The following GRK4 variants were observed in gnomAD, a reference collection of about 807,000 sequenced individuals.
GRK4 encodes G protein-coupled receptor kinase 4.
A neutral mutation model predicts 77.9 loss-of-function variants in GRK4; 73 were observed. That is an observed-to-expected ratio of 0.94 (90% confidence interval 0.78 to 1.14). GRK4 has a LOEUF of 1.14. Ranked by LOEUF, GRK4 falls within the 50% of genes most tolerant of loss-of-function variation. The probability of loss-of-function intolerance (pLI) is 0.00; values close to 1 mark genes in which losing one functional copy is unlikely to be tolerated. For synonymous variants in GRK4, 257 were observed against 254.4 expected (o/e 1.01, Z -0.10); for missense variants, 729 against 700.2 (o/e 1.04, Z -0.46).
chr4:3,016,174 C>G (rs1009043912), intron 8 of GRK4, among the ~76,000 whole-genome samples: 60 of 148,222 alleles, frequency 4.0e-4, no homozygotes, highest in African/African-American at 1.2e-3. Flanking sequence ...TCCCAGAATG[C>G]TGGGGATTAC....
At chr4:2,989,696 A>G (rs1725545350) in intron 3 of GRK4, among the ~76,000 whole-genome samples, 1 of 152,266 alleles carries the variant, frequency 6.6e-6, no homozygotes, top group Non-Finnish European at 1.5e-5. Context: ...ACCCAGAAGC[A>G]TATGGAAGGG....
At position 3,014,280 on chromosome 4, in the gene GRK4, TTCTC is replaced by T. The variant is rs1292010975; in HGVS notation, c.741+466_741+469del. Among the ~76,000 whole-genome samples, 754 of 145,466 alleles carry T rather than the reference TTCTC, an allele frequency of 5.2e-3. 5 individuals are homozygous for T. Among genetic ancestry groups the T allele is most frequent in the Non-Finnish European group, 7.7e-3 (515 of 66,808 alleles). On this transcript the variant is annotated intron_variant, in intron 8 of 15. Coordinates refer to ENST00000398052, the MANE Select transcript of GRK4 (RefSeq NM_182982.3). ...TGACTTGGCTGTGCTTGAGGATACC[TTCTC>T]TCTCTCTCTCTCTTTTTTTTTTTTT...
intron 4 of GRK4, among the ~76,000 whole-genome samples, chr4:2,993,538 G>A (rs1371005734): frequency 6.6e-6 from 1 of 152,190 alleles, no homozygotes; most frequent in East Asian, 1.9e-4. Context: ...GCCAGGCGTG[G>A]TGGTGCATGC....
intron 2 of GRK4, among the ~76,000 whole-genome samples, chr4:2,987,548 T>C (rs1459211524): frequency 6.6e-6 from 1 of 152,230 alleles, no homozygotes; most frequent in East Asian, 1.9e-4. Flanking sequence ...CATTGGGTTG[T>C]TCCAAGTTTT....
At chr4:2,972,862 G>A (rs114682085) in intron 1 of GRK4, among the ~76,000 whole-genome samples, 2,731 of 152,240 alleles carry the variant, frequency 0.018, 83 homozygotes, top group African/African-American at 0.061. Context: ...AGCGTCCCGA[G>A]TAGCTAAGAC....
intron 2 of GRK4, among the ~76,000 whole-genome samples, chr4:2,985,579 G>T (rs1397537180): frequency 1.3e-5 from 2 of 151,740 alleles, no homozygotes; most frequent in Non-Finnish European, 2.9e-5. Flanking sequence ...AAAAAGAAAA[G>T]AAAAATTTCT....
At chr4:2,967,965 T>G (rs1469885186) in intron 1 of GRK4, among the ~76,000 whole-genome samples, 1 of 151,726 alleles carries the variant, frequency 6.6e-6, no homozygotes, top group Non-Finnish European at 1.5e-5. Flanking sequence ...TAATTTTGTA[T>G]TTTTAGTAGA....
chr4:3,002,211 A>G lies in GRK4; in HGVS notation c.340-2020A>G, dbSNP rs147602442. 1.6e-4 allele frequency among the ~76,000 whole-genome samples: 25 copies of G among 152,248 alleles called. No homozygotes were observed. The East Asian group carries it at 4.6e-3, about 28-fold the overall frequency. On this transcript the variant is annotated intron_variant, in intron 4 of 15. Transcript: ENST00000398052. ...TGCTGTTTGCGTGGGAAAACTGGCA[A>G]CTAGGATGTAACTGGGGGCAGATAA...
chr4:3,021,627 G>A (rs987325760), intron 9 of GRK4, among the ~76,000 whole-genome samples: 2 of 152,196 alleles, frequency 1.3e-5, no homozygotes, highest in African/African-American at 2.4e-5. Flanking sequence ...AGACACAGAG[G>A]TGGTCGCCTG....
intron 4 of GRK4, among the ~76,000 whole-genome samples, chr4:2,997,170 G>A (rs969675843): frequency 3.9e-5 from 6 of 152,106 alleles, no homozygotes; most frequent in Non-Finnish European, 7.3e-5. Context: ...TCCTCTCAGG[G>A]TTCTCAAATA....
At chr4:3,026,176 A>G (rs1328512751) in intron 10 of GRK4, among the ~76,000 whole-genome samples, 3 of 152,192 alleles carry the variant, frequency 2.0e-5, no homozygotes, top group Admixed American at 2.0e-4. Flanking sequence ...TTTGTCAGAT[A>G]TTGCCAGATT....
rs751331808 is a variant in GRK4, at chr4:3,038,449, A to G, written c.1619A>G (p.Lys540Arg). Residue 540 changes from lysine to arginine, a missense_variant, in exon 15 of 16, where the codon AAG becomes AGG. Physicochemically the swap from Lys to Arg is conservative, Grantham distance 26. Coordinates refer to ENST00000398052, the MANE Select transcript of GRK4 (RefSeq NM_182982.3). ...GAAGCTTTGCCATTAGATCTAGACA[A>G]GAACATACATACCCCGGTTTCCAGA... Reference protein sequence around the residue: ...SEEALPLDLDKNIHTPVSRPN... With the variant: ...SEEALPLDLDRNIHTPVSRPN... The G allele has an allele frequency of 1.2e-6, 2 of 1,614,210 alleles. No individual in the cohort carries two copies. The highest frequency in any genetic ancestry group is 1.7e-6 in the Non-Finnish European group (2 of 1,180,018).
In GRK4 at chr4:3,038,470, C is replaced by G; in HGVS notation, c.1640C>G (p.Ser547Cys). 1 of 1,614,020 alleles carries G rather than the reference C, an allele frequency of 6.2e-7. No homozygotes were observed. Among genetic ancestry groups the G allele is most frequent in the Non-Finnish European group, 8.5e-7 (1 of 1,179,996 alleles). ...DLDKNIHTPVSRPNRGFFYRL... is the reference protein window; with the variant it reads ...DLDKNIHTPVCRPNRGFFYRL... ...GACAAGAACATACATACCCCGGTTT[C>G]CAGACCAAACAGAGGCTTCTTCTAT... Residue 547 changes from serine (S) to cysteine (C), a missense_variant, in exon 15 of 16, where the codon TCC (serine) becomes TGC (cysteine). By Grantham distance (112) the Ser-to-Cys change is moderately radical (BLOSUM62 -1). Transcript: ENST00000398052.
chr4:3,024,882 C>T lies in GRK4; in HGVS notation c.970+2431C>T, dbSNP rs548130425. Reference sequence around the variant, plus strand: ...CAAAAAACAAACAAACAAACAACAACAACAACAACAAAACCAGTAAAATAT... The same window carrying T: ...CAAAAAACAAACAAACAAACAACAATAACAACAACAAAACCAGTAAAATAT... On this transcript the variant is annotated intron_variant, in intron 10 of 15. Transcript: ENST00000398052. 4.6e-4 allele frequency among the ~76,000 whole-genome samples: 70 copies of T among 152,144 alleles called. 1 individual carries two copies. The Middle Eastern group carries it at 0.01, about 22-fold the overall frequency.
intron 1 of GRK4, chr4:2,965,326 T>C: frequency 1.4e-6 from 1 of 703,054 alleles, no homozygotes; most frequent in South Asian, 1.5e-5. Context: ...ATCCTCTGTC[T>C]CGGACCTCAT....
chr4:3,040,555 G>A lies in GRK4; in HGVS notation c.1684-17G>A, dbSNP rs201021123. On this transcript the variant is annotated splice_polypyrimidine_tract_variant and intron_variant, in intron 15 of 15. Coordinates refer to ENST00000398052, the MANE Select transcript of GRK4 (RefSeq NM_182982.3). Reference sequence around the variant, plus strand: ...TCGCATCAGCCGTGTGCCTGAGGCCGCCGCTGTGTGTTGTAGGGCTGCCTG... The same window carrying A: ...TCGCATCAGCCGTGTGCCTGAGGCCACCGCTGTGTGTTGTAGGGCTGCCTG... The A allele has an allele frequency of 2.1e-5, 34 of 1,603,144 alleles. No individual in the cohort carries two copies. The highest frequency in any genetic ancestry group is 1.7e-4 in the African/African-American group (13 of 74,976).
chr4:3,039,942 C>T (rs1741931896), intron 15 of GRK4, among the ~76,000 whole-genome samples: 1 of 152,106 alleles, frequency 6.6e-6, no homozygotes, highest in Non-Finnish European at 1.5e-5. Context: ...GGAAAACCTG[C>T]CGTTGAGAGA....
rs139434146 is a variant in GRK4 at position 2,992,760 on chromosome 4, C to T, written c.339+468C>T. 5.6e-4 allele frequency among the ~76,000 whole-genome samples: 85 copies of T among 152,092 alleles called. 1 individual carries two copies. In the East Asian group the frequency reaches 0.015, roughly 28 times the overall value. The stretch of plus-strand genomic sequence containing the variant: ...CTTTGGGAGGCCGAGGCAGGCAGAT[C>T]GCTTGAGCTCAGGAGTTCAAAACCA... On this transcript the variant is annotated intron_variant, in intron 4 of 15. Transcript: ENST00000398052.
intron 5 of GRK4, among the ~76,000 whole-genome samples, chr4:3,005,521 G>T (rs1376326454): frequency 6.6e-6 from 1 of 152,120 alleles, no homozygotes; most frequent in Non-Finnish European, 1.5e-5. Flanking sequence ...ATAACACACA[G>T]GCCGGGCGCG....
Sources: allele counts gnomAD v4.1 joint callset (sites outside exome capture counted in the v4.1 genomes callset), GRCh38; gene constraint gnomAD v4.1.1; transcripts MANE v1.5; gene names NCBI Gene and HGNC (gene_info 2026-07-23, HGNC 2026-07-21).